CAB39L: variants seen among roughly 807,000 people sequenced by gnomAD.
The protein encoded by CAB39L is calcium binding protein 39 like, also known as calcium-binding protein 39-like.
A neutral mutation model predicts 39.1 loss-of-function variants in CAB39L; 23 were observed. That is an observed-to-expected ratio of 0.59 (90% CI 0.42 to 0.83). The LOEUF (loss-of-function observed/expected upper bound fraction) is 0.83. Ranked by LOEUF, CAB39L falls within the 40% of genes least tolerant of loss-of-function variation. The pLI is 0.00. For missense variants in CAB39L, 366 were observed against 391.9 expected (o/e 0.93, Z 0.56); for synonymous variants, 126 against 137.2 (o/e 0.92, Z 0.57).
At chr13:49,382,098 A>G (rs1956263198) in intron 4 of CAB39L, among the ~76,000 whole-genome samples, 1 of 152,050 alleles carries the variant, frequency 6.6e-6, no homozygotes, top group Admixed American at 6.5e-5. Context: ...GCCTTTTCCT[A>G]GTTACTAATG....
intron 3 of CAB39L, among the ~76,000 whole-genome samples, chr13:49,395,247 T>C (rs145013192): frequency 6.6e-6 from 1 of 151,958 alleles, no homozygotes; most frequent in African/African-American, 2.4e-5. Flanking sequence ...CTTTTTTTTT[T>C]TTTTCTGAGA....
At chr13:49,340,752 C>T (rs1278763244) in intron 8 of CAB39L, among the ~76,000 whole-genome samples, 1 of 152,110 alleles carries the variant, frequency 6.6e-6, no homozygotes, top group Non-Finnish European at 1.5e-5. Flanking sequence ...CCGAGTCCAC[C>T]AGCTTTATTA....
Position 49,426,433 on chromosome 13 carries a change from A to T in CAB39L, c.-32+6885T>A, listed in dbSNP as rs550706049. Among the ~76,000 whole-genome samples the T allele has an allele frequency of 5.7e-4, 85 of 148,916 alleles. 1 individual carries two copies. The highest frequency in any genetic ancestry group is 1.5e-3 in the African/African-American group (63 of 40,828). ...ACCCTAAAATATGCTTCTTTAAAAT[A>T]TTTTTTTTTTTGAGACGGAGTCTCG... On this transcript the variant is annotated intron_variant, in intron 3 of 10. Transcript: ENST00000409308.
intron 5 of CAB39L, among the ~76,000 whole-genome samples, chr13:49,361,417 G>T (rs1955624732): frequency 7.4e-6 from 1 of 134,274 alleles, no homozygotes; most frequent in Non-Finnish European, 1.5e-5. Flanking sequence ...GGCAGAGGTT[G>T]CAGTGAACCG....
intron 3 of CAB39L, among the ~76,000 whole-genome samples, chr13:49,422,573 A>G (rs1391513795): frequency 6.6e-6 from 1 of 152,022 alleles, no homozygotes; most frequent in Non-Finnish European, 1.5e-5. Context: ...ACTCTGTCTC[A>G]AAATAAATAA....
Position 49,400,568 on chromosome 13 carries a change from C to T in CAB39L, c.-31-17627G>A, listed in dbSNP as rs563497541. The stretch of plus-strand genomic sequence containing the variant: ...AACAAAATAACTGCTTTATTCCTTA[C>T]TTAGAAACCCAAATGCATTCATTCA... On this transcript the variant is annotated intron_variant, in intron 3 of 10. Coordinates refer to ENST00000409308, the MANE Select transcript of CAB39L (RefSeq NM_001079670.3). 9.2e-5 allele frequency among the ~76,000 whole-genome samples: 14 copies of T among 152,002 alleles called. No individual in the cohort carries two copies. The South Asian group carries it at 2.7e-3, about 29-fold the overall frequency.
At chr13:49,321,783 C>T (rs1235686939) in intron 10 of CAB39L, among the ~76,000 whole-genome samples, 2 of 152,168 alleles carry the variant, frequency 1.3e-5, no homozygotes, top group African/African-American at 4.8e-5. Context: ...ATGGGAACGC[C>T]TTCTTTCCAA....
rs74072503 is a variant in CAB39L, at chr13:49,342,285, T to C, written c.624+1894A>G. Among the ~76,000 whole-genome samples the C allele has an allele frequency of 8.1e-3, 1,230 of 152,338 alleles. 11 individuals are homozygous for C. The highest frequency in any genetic ancestry group is 0.023 in the African/African-American group (955 of 41,572). On this transcript the variant is annotated intron_variant, in intron 8 of 10. Coordinates refer to ENST00000409308, the MANE Select transcript of CAB39L (RefSeq NM_001079670.3). ...ATACTGTTGGGAAGGCATAAAGTCA[T>C]AGTAATCATCAAAAATGTACTTCTT...
intron 8 of CAB39L, among the ~76,000 whole-genome samples, chr13:49,343,856 C>T (rs1955070585): frequency 6.6e-6 from 1 of 152,108 alleles, no homozygotes; most frequent in African/African-American, 2.4e-5. Context: ...AAATGATGTA[C>T]TTTAGTGAGG....
intron 10 of CAB39L, among the ~76,000 whole-genome samples, chr13:49,318,071 C>T (rs1954214891): frequency 6.6e-6 from 1 of 152,096 alleles, no homozygotes; most frequent in Non-Finnish European, 1.5e-5. Flanking sequence ...GATACCACTT[C>T]GCACCCACTA....
chr13:49,340,610 T>C (rs1049840228), intron 8 of CAB39L, among the ~76,000 whole-genome samples: 6 of 152,226 alleles, frequency 3.9e-5, no homozygotes, highest in Admixed American at 3.9e-4. Context: ...CTCTTTAATA[T>C]GAATGACTTA....
At position 49,350,179 on chromosome 13, in the gene CAB39L, A is replaced by G. The variant is rs1401918580; in HGVS notation, c.564+565T>C. 2.4e-4 allele frequency among the ~76,000 whole-genome samples: 37 copies of G among 152,228 alleles called. 1 individual carries two copies. Among genetic ancestry groups the G allele is most frequent in the Admixed American group, 2.4e-3 (37 of 15,290 alleles). On this transcript the variant is annotated intron_variant, in intron 7 of 10. Transcript: ENST00000409308. Reference sequence around the variant, plus strand: ...GATTTCCTACATAGTGACAAAGTAGATAATACATGATCAAACTATAGATGA... The same window carrying G: ...GATTTCCTACATAGTGACAAAGTAGGTAATACATGATCAAACTATAGATGA...
At chr13:49,438,186 C>T (rs1015223293) in intron 1 of CAB39L, among the ~76,000 whole-genome samples, 1 of 152,074 alleles carries the variant, frequency 6.6e-6, no homozygotes, top group Non-Finnish European at 1.5e-5. Flanking sequence ...TATGTTTAAG[C>T]TTCCACCTGT....
intron 10 of CAB39L, among the ~76,000 whole-genome samples, chr13:49,316,261 G>A (rs1002238114): frequency 6.6e-6 from 1 of 152,070 alleles, no homozygotes; most frequent in Non-Finnish European, 1.5e-5. Context: ...CAAATTCCTA[G>A]AAACATGCAG....
chr13:49,441,550 T>C (rs1594109749), intron 1 of CAB39L, among the ~76,000 whole-genome samples: 1 of 152,010 alleles, frequency 6.6e-6, no homozygotes, highest in Non-Finnish European at 1.5e-5. Flanking sequence ...CTGGGCAACA[T>C]AGCGAGATCC....
At chr13:49,346,108 T>G (rs1233676836) in intron 7 of CAB39L, among the ~76,000 whole-genome samples, 1 of 47,632 alleles carries the variant, frequency 2.1e-5, no homozygotes, top group Non-Finnish European at 4.4e-5. Context: ...TAGATATATA[T>G]ATATATATAT....
chr13:49,399,361 A>T (rs1446153967), intron 3 of CAB39L, among the ~76,000 whole-genome samples: 1 of 152,098 alleles, frequency 6.6e-6, no homozygotes, highest in Non-Finnish European at 1.5e-5. Context: ...ACCCATAAGC[A>T]TCCTTCCAAA....
At chr13:49,318,819 A>G (rs1434774973) in intron 10 of CAB39L, among the ~76,000 whole-genome samples, 1 of 151,664 alleles carries the variant, frequency 6.6e-6, no homozygotes, top group Non-Finnish European at 1.5e-5. Context: ...TTCAAACAAA[A>G]ACTTGTGTAG....
At chr13:49,328,738 G>A (rs1215485490) in intron 10 of CAB39L, among the ~76,000 whole-genome samples, 3 of 152,174 alleles carry the variant, frequency 2.0e-5, no homozygotes, top group African/African-American at 7.2e-5. Flanking sequence ...AGGAGGCTGA[G>A]GCAGGAGAAC....
Sources: gnomAD v4.1 joint callset for allele counts (sites outside exome capture counted in the v4.1 genomes callset) on GRCh38, gnomAD v4.1.1 for gene constraint, MANE v1.5 for transcripts, NCBI Gene and HGNC (gene_info 2026-07-23, HGNC 2026-07-21) for gene names.